Variants in ANKRD62 observed in about 807,000 individuals in gnomAD.
ANKRD62 encodes the protein ankyrin repeat domain 62, also known as ankyrin repeat domain-containing protein 62.
ANKRD62 carries 61 observed loss-of-function variants against 98.8 expected under a neutral mutation model. The observed-to-expected ratio is 0.62, with a 90% CI of 0.50 to 0.76. The LOEUF is 0.76. Among genes scored for constraint, ANKRD62 ranks in the 30% least tolerant of loss-of-function variants. The pLI, the probability that ANKRD62 is intolerant of heterozygous loss-of-function variation, is 0.00. For synonymous variants in ANKRD62, 341 were observed against 367.9 expected, an observed-to-expected ratio of 0.93 and a Z score of 0.84; for missense variants, 933 against 1,082.9, an observed-to-expected ratio of 0.86 and a Z score of 1.94.
At chr18:12,097,321 A>T (rs1008146015) in intron 4 of ANKRD62, among the ~76,000 whole-genome samples, 3 of 152,114 alleles carry the variant, frequency 2.0e-5, no homozygotes, top group Non-Finnish European at 4.4e-5. Context: ...GAAATGGATA[A>T]TTTTTCACTT....
At chr18:12,162,445 G>C in the ANKRD62 span, among the ~76,000 whole-genome samples, 1 of 152,064 alleles carries the variant, frequency 6.6e-6, no homozygotes, top group Admixed American at 6.5e-5. Flanking sequence ...TGGGTAGCTT[G>C]CAGATATTTT....
At chr18:12,175,809 C>G in the ANKRD62 span, among the ~76,000 whole-genome samples, 1 of 151,938 alleles carries the variant, frequency 6.6e-6, no homozygotes, top group Non-Finnish European at 1.5e-5. Context: ...ATGGAGGAAA[C>G]TTAGGCACAC....
chr18:12,111,476 C>T (rs970077960), intron 8 of ANKRD62, among the ~76,000 whole-genome samples: 65 of 152,202 alleles, frequency 4.3e-4, no homozygotes, highest in Non-Finnish European at 1.2e-4. Context: ...AAGCTGGAAG[C>T]GGTCCCCTTG....
In ANKRD62 at chr18:12,128,750, T is replaced by A. The variant is rs1909944645; in HGVS notation, c.*811T>A. 6.6e-6 allele frequency: 1 copy of A among 152,238 alleles called. No homozygotes were observed. Among genetic ancestry groups the A allele is most frequent in the Admixed American group, 6.5e-5 (1 of 15,288 alleles). 9.4% of individuals were successfully genotyped at this position (152,238 alleles called of 1,614,324 possible). A position where few individuals can be genotyped will look rare whatever the true frequency, so the allele number is the denominator to read the frequency against. On this transcript the variant is annotated 3_prime_UTR_variant, in exon 14 of 14. Coordinates refer to ENST00000587848, the MANE Select transcript of ANKRD62 (RefSeq NM_001277333.2). ...TTCTGGTTTCCCTGGAAAGGAAAGA[T>A]GATGCTTAGTTTTAAATGTTAAAAA...
the ANKRD62 span, among the ~76,000 whole-genome samples, chr18:12,168,918 A>G: frequency 1.2e-4 from 18 of 152,202 alleles, no homozygotes; most frequent in African/African-American, 4.3e-4. Context: ...AAGTACACTC[A>G]TGATTTGGCT....
chr18:12,137,672 T>A, the ANKRD62 span, among the ~76,000 whole-genome samples: 1 of 152,242 alleles, frequency 6.6e-6, no homozygotes. Flanking sequence ...TGAATCCATC[T>A]GGTTCTGGAC....
At chr18:12,156,089 T>C in the ANKRD62 span, among the ~76,000 whole-genome samples, 2 of 145,268 alleles carry the variant, frequency 1.4e-5, no homozygotes, top group South Asian at 2.4e-4. Flanking sequence ...CCCCCCTCCC[T>C]CTCCCTCCCT....
At chr18:12,102,234 A>C (rs1909315705) in intron 6 of ANKRD62, 1 of 785,402 alleles carries the variant, frequency 1.3e-6, no homozygotes, top group African/African-American at 1.7e-5. Context: ...AGCAGCTGGA[A>C]GCAGGCCCAG....
At chr18:12,154,045 G>A in the ANKRD62 span, among the ~76,000 whole-genome samples, 1 of 152,134 alleles carries the variant, frequency 6.6e-6, no homozygotes, top group Non-Finnish European at 1.5e-5. Context: ...CATTGGAATG[G>A]CCAAAGATTT....
At chr18:12,168,063 A>C in the ANKRD62 span, among the ~76,000 whole-genome samples, 90,335 of 151,770 alleles carry the variant, frequency 0.6, 27,387 homozygotes, top group Middle Eastern at 0.76. Flanking sequence ...GATTGCAAAA[A>C]TTTTCTCCCA....
the ANKRD62 span, among the ~76,000 whole-genome samples, chr18:12,136,945 T>A: frequency 0.016 from 2,401 of 152,278 alleles, 70 homozygotes; most frequent in African/African-American, 0.055. Context: ...AAGGAGATTT[T>A]GGGCTGAGAT....
chr18:12,117,604 G>T (rs1184137927), intron 10 of ANKRD62, among the ~76,000 whole-genome samples: 1 of 152,120 alleles, frequency 6.6e-6, no homozygotes, highest in African/African-American at 2.4e-5. Context: ...GTTCATCATA[G>T]ATGTTCTTTA....
chr18:12,115,075 G>GTTTT lies in ANKRD62; in HGVS notation c.1065-6_1065-3dup. The GTTTT allele has an allele frequency of 8.3e-7, 1 of 1,198,818 alleles. No homozygotes were observed. The highest frequency in any genetic ancestry group is 1.1e-6 in the Non-Finnish European group (1 of 927,098). The allele number at this position is 1,198,818 out of a possible 1,614,324, so 74.3% of individuals were successfully genotyped here. On this transcript the variant is annotated splice_polypyrimidine_tract_variant and intron_variant, in intron 8 of 13. Coordinates refer to ENST00000587848, the MANE Select transcript of ANKRD62 (RefSeq NM_001277333.2). ...CTATTTGCCTGATTGGAATTTTTTG[G>GTTTT]TTTTTTTTTTAGGCTTGCAAGGAAA...
chr18:12,095,190 T>G lies in ANKRD62; in HGVS notation c.238T>G (p.Cys80Gly). ...TCACAGGACTGCTCTACTTTTGGCG[T>G]GTGCCCATGGCCGTCCAGGAGTGGT... ...KKNRTALLLA[C>G]AHGRPGVVAD... Residue 80 changes from cysteine (C) to glycine (G), a missense_variant, in exon 2 of 14, where the codon TGT (cysteine) becomes GGT (glycine). This residue lies in a region of ANKRD62 where 549 missense variants were observed against 587.9 expected (regional missense o/e 0.93). Transcript: ENST00000587848. The G allele has an allele frequency of 6.5e-7, 1 of 1,536,614 alleles. No individual in the cohort carries two copies. Among genetic ancestry groups the G allele is most frequent in the Middle Eastern group, 1.7e-4 (1 of 5,990 alleles).
chr18:12,173,189 G>T, the ANKRD62 span, among the ~76,000 whole-genome samples: 1 of 152,186 alleles, frequency 6.6e-6, no homozygotes, highest in Non-Finnish European at 1.5e-5. Flanking sequence ...CATTGCTCAC[G>T]CTGGGAGCTG....
At chr18:12,103,337 T>G in intron 7 of ANKRD62, 109 bp downstream of exon 7, 1 of 566,116 alleles carries the variant, frequency 1.8e-6, no homozygotes, top group South Asian at 8.2e-5. Context: ...TGTAATTTAA[T>G]AGTTAATTTT....
intron 8 of ANKRD62, 27 bp downstream of exon 8, chr18:12,107,494 G>A (rs77270132): frequency 0.18 from 257,647 of 1,427,422 alleles, 25,096 homozygotes; most frequent in Non-Finnish European, 0.2. Flanking sequence ...AGTTAACAGC[G>A]GATCACTGTT....
the ANKRD62 span, among the ~76,000 whole-genome samples, chr18:12,141,240 G>C: frequency 6.6e-6 from 1 of 152,196 alleles, no homozygotes; most frequent in Non-Finnish European, 1.5e-5. Context: ...TGATTTTCAA[G>C]GTGCTGTCTG....
At chr18:12,115,283 T>C in intron 9 of ANKRD62, 110 bp from the exon 10 acceptor site, 1 of 1,289,448 alleles carries the variant, frequency 7.8e-7, no homozygotes, top group Admixed American at 2.9e-5. Flanking sequence ...TTTTAAGAAG[T>C]ACCTGTGTTT....
Sources: allele counts gnomAD v4.1 joint callset (sites outside exome capture counted in the v4.1 genomes callset), GRCh38; gene constraint gnomAD v4.1.1; regional missense constraint gnomAD v4.1.1; transcripts MANE v1.5; gene names NCBI Gene and HGNC (gene_info 2026-07-23, HGNC 2026-07-21).